Variants in RAI14 observed in about 807,000 individuals in gnomAD.
RAI14 encodes retinoic acid induced 14.
RAI14 carries 45 observed loss-of-function variants against 115.4 expected under a neutral mutation model. That is an observed-to-expected ratio of 0.39 (90% CI 0.31 to 0.50). The LOEUF (loss-of-function observed/expected upper bound fraction) is 0.50, where lower values mean the gene tolerates loss of function less well. Among genes scored for constraint, RAI14 ranks in the 20% least tolerant of loss-of-function variants. The pLI is 0.85. For missense variants in RAI14, 939 were observed against 1,131.2 expected (o/e 0.83, Z 2.44); for synonymous variants, 371 against 415.4 (o/e 0.89, Z 1.30).
intron 2 of RAI14, among the ~76,000 whole-genome samples, chr5:34,708,109 T>C (rs1446084225): frequency 6.6e-6 from 1 of 152,154 alleles, no homozygotes; most frequent in African/African-American, 2.4e-5. Flanking sequence ...GCTAAGCTGC[T>C]CCTGAGTGTT....
chr5:34,800,980 A>T (rs1754191135), intron 4 of RAI14, among the ~76,000 whole-genome samples: 1 of 152,244 alleles, frequency 6.6e-6, no homozygotes, highest in Non-Finnish European at 1.5e-5. Flanking sequence ...GTCCACAGAA[A>T]CAGTGGTATA....
At chr5:34,699,370 CT>C (rs1443403214) in intron 2 of RAI14, among the ~76,000 whole-genome samples, 1 of 152,164 alleles carries the variant, frequency 6.6e-6, no homozygotes, top group African/African-American at 2.4e-5. Flanking sequence ...TCAGCTCCTT[CT>C]GGGGCTGTGA....
rs1411630066 is a variant in RAI14 at position 34,821,765 on chromosome 5, C to T, written c.1028C>T (p.Ala343Val). ...AGCTTATTGGATATAAGTTCTGAAG[C>T]TGACCAACAAGATCTTCTCTCTCTA... ...ADSLLDISSE[A>V]DQQDLLSLLQ... Residue 343 changes from alanine (A) to valine (V), a missense_variant, in exon 14 of 18, where the codon GCT becomes GTT. Physicochemically the swap from Ala to Val is moderately conservative, Grantham distance 64. Coordinates refer to ENST00000265109, the MANE Select transcript of RAI14 (RefSeq NM_015577.3). The T allele has an allele frequency of 5.6e-6, 9 of 1,611,890 alleles. No homozygotes were observed. Among genetic ancestry groups the T allele is most frequent in the Non-Finnish European group, 6.8e-6 (8 of 1,178,434 alleles).
At chr5:34,817,362 T>G (rs12153577) in intron 12 of RAI14, among the ~76,000 whole-genome samples, 94,028 of 151,516 alleles carry the variant, frequency 0.62, 29,408 homozygotes, top group Admixed American at 0.67. Context: ...TTGAGGATGT[T>G]GCAGAACTAG....
At chr5:34,665,322 C>G (rs907525396) in intron 1 of RAI14, among the ~76,000 whole-genome samples, 1 of 149,564 alleles carries the variant, frequency 6.7e-6, no homozygotes, top group Non-Finnish European at 1.5e-5. Context: ...CTAAAACTAA[C>G]AAGCAGCATC....
intron 2 of RAI14, among the ~76,000 whole-genome samples, chr5:34,718,319 T>C (rs150712220): frequency 1.3e-5 from 2 of 152,260 alleles, no homozygotes; most frequent in African/African-American, 4.8e-5. Context: ...ATAAGGTACG[T>C]GGTTAGTGGT....
In RAI14 at chr5:34,772,545, T is replaced by C. The variant is rs539945941; in HGVS notation, c.167+14947T>C. On this transcript the variant is annotated intron_variant, in intron 3 of 17. Coordinates refer to ENST00000265109, the MANE Select transcript of RAI14 (RefSeq NM_015577.3). ...CTTAAGATGTTCCTAGAGTGTAATG[T>C]TTCCATAGAGTACCTGCTATTATTA... Among the ~76,000 whole-genome samples the C allele has an allele frequency of 3.3e-5, 5 of 152,310 alleles. No individual in the cohort carries two copies. The East Asian group carries it at 9.6e-4, about 29-fold the overall frequency.
intron 2 of RAI14, among the ~76,000 whole-genome samples, chr5:34,715,416 G>A (rs1177744295): frequency 6.6e-6 from 1 of 152,008 alleles, no homozygotes; most frequent in Non-Finnish European, 1.5e-5. Context: ...AGTATTTCAG[G>A]GTCTTATCAG....
intron 2 of RAI14, among the ~76,000 whole-genome samples, chr5:34,703,301 G>A (rs952800574): frequency 4.6e-5 from 7 of 152,102 alleles, no homozygotes; most frequent in African/African-American, 1.7e-4. Context: ...ATAAGGATGG[G>A]CATAAATATT....
intron 4 of RAI14, among the ~76,000 whole-genome samples, chr5:34,799,675 A>C (rs1237089189): frequency 6.9e-6 from 1 of 144,404 alleles, no homozygotes; most frequent in African/African-American, 2.6e-5. Context: ...AGAAGCAAGA[A>C]TCTGTTAGCA....
chr5:34,741,972 C>T (rs184273696), intron 2 of RAI14, among the ~76,000 whole-genome samples: 21 of 152,250 alleles, frequency 1.4e-4, no homozygotes, highest in East Asian at 1.2e-3. Flanking sequence ...GTGTCTAGCA[C>T]GATGCCTGGC....
intron 12 of RAI14, among the ~76,000 whole-genome samples, chr5:34,816,803 G>A (rs1013374532): frequency 5.9e-5 from 9 of 151,860 alleles, no homozygotes; most frequent in Non-Finnish European, 8.8e-5. Context: ...TAGTTAGTAC[G>A]ATAATATCTT....
chr5:34,821,642 A>C (rs2150293029), intron 13 of RAI14, 90 bp from the exon 14 acceptor site: 1 of 776,504 alleles, frequency 1.3e-6, no homozygotes, highest in Non-Finnish European at 2.2e-6. Context: ...AGGAAGAAGA[A>C]CTGGATTAGG....
intron 4 of RAI14, among the ~76,000 whole-genome samples, chr5:34,798,273 A>G (rs549576834): frequency 1.3e-4 from 19 of 151,336 alleles, no homozygotes; most frequent in Admixed American, 7.2e-4. Context: ...TCCTGACCTC[A>G]GGTGATCCAC....
intron 1 of RAI14, among the ~76,000 whole-genome samples, chr5:34,671,358 G>A (rs530262866): frequency 6.6e-6 from 1 of 152,162 alleles, no homozygotes; most frequent in African/African-American, 2.4e-5. Context: ...TCCCTTCTAC[G>A]TGTGGCAGAG....
chr5:34,684,475 A>G (rs568155078), intron 1 of RAI14: 6 of 152,316 alleles, frequency 3.9e-5, no homozygotes, highest in Admixed American at 3.9e-4. Flanking sequence ...TTAACAATGT[A>G]TAATTATGGT....
At chr5:34,799,524 ACACAC>A (rs1561050877) in intron 4 of RAI14, among the ~76,000 whole-genome samples, 3 of 117,274 alleles carry the variant, frequency 2.6e-5, no homozygotes, top group African/African-American at 8.6e-5. Context: ...ACACACACAC[ACACAC>A]ACACACACAC....
rs565472066 is a variant in RAI14, at chr5:34,812,291, A to G, written c.765+83A>G. 23 of 1,173,204 alleles carry G rather than the reference A, an allele frequency of 2.0e-5. No individual in the cohort carries two copies. The African/African-American group carries it at 2.8e-4, about 14-fold the overall frequency. The allele number at this position is 1,173,204 out of a possible 1,614,324, so 72.7% of individuals were successfully genotyped here. On this transcript the variant is annotated intron_variant, in intron 10 of 17. Coordinates refer to ENST00000265109, the MANE Select transcript of RAI14 (RefSeq NM_015577.3). ...TGTTCAGATTTAACCACTCTGGTCCACTAGTAAAGTAATAAAGACTATATT... is the reference window on the plus strand; with the variant it reads ...TGTTCAGATTTAACCACTCTGGTCCGCTAGTAAAGTAATAAAGACTATATT...
intron 2 of RAI14, among the ~76,000 whole-genome samples, chr5:34,702,904 C>G (rs1297161729): frequency 6.6e-6 from 1 of 152,166 alleles, no homozygotes; most frequent in African/African-American, 2.4e-5. Flanking sequence ...CGGGGTTTCT[C>G]CATATTGGTC....
Sources: allele counts gnomAD v4.1 joint callset (sites outside exome capture counted in the v4.1 genomes callset), GRCh38; gene constraint gnomAD v4.1.1; transcripts MANE v1.5; gene names NCBI Gene and HGNC (gene_info 2026-07-23, HGNC 2026-07-21).